The following MTSS1 variants were observed in gnomAD, a reference collection of about 807,000 sequenced individuals.
MTSS1 encodes MTSS I-BAR domain containing 1.
In MTSS1, 18 loss-of-function variants were observed where a neutral mutation model predicts 79.0. The observed-to-expected ratio is 0.23, with a 90% CI of 0.16 to 0.34. The LOEUF (loss-of-function observed/expected upper bound fraction) is 0.34, where lower values mean the gene tolerates loss of function less well. MTSS1 is among the 10% of genes least tolerant of loss of function. The probability of loss-of-function intolerance (pLI) is 1.00; values close to 1 mark genes in which losing one functional copy is unlikely to be tolerated. For missense variants in MTSS1, 815 were observed against 986.2 expected (o/e 0.83, Z 2.33); for synonymous variants, 341 against 368.6 (o/e 0.93, Z 0.86).
At chr8:124,720,476 A>T (rs1832744955) in intron 1 of MTSS1, among the ~76,000 whole-genome samples, 2 of 152,176 alleles carry the variant, frequency 1.3e-5, no homozygotes, top group African/African-American at 4.8e-5. Context: ...CTAATAAAGC[A>T]ACTTTCCCTC....
chr8:124,640,826 G>T (rs2133985319), intron 3 of MTSS1, among the ~76,000 whole-genome samples: 1 of 152,214 alleles, frequency 6.6e-6, no homozygotes, highest in Non-Finnish European at 1.5e-5. Context: ...ACAGGCGTGA[G>T]CCACCGTGCC....
At chr8:124,563,216 G>A (rs2131966424) in intron 9 of MTSS1, 1 of 557,218 alleles carries the variant, frequency 1.8e-6, no homozygotes, top group East Asian at 3.1e-5. Flanking sequence ...AGGTGACCCA[G>A]GGGGAAATAC....
chr8:124,578,238 G>A (rs79210706), intron 6 of MTSS1, among the ~76,000 whole-genome samples: 16,928 of 152,062 alleles, frequency 0.11, 1,063 homozygotes, highest in South Asian at 0.13. Flanking sequence ...TCCACCCTTG[G>A]TGGGACGACA....
Position 124,555,467 on chromosome 8 carries a change from C to T in MTSS1, c.1567+275G>A, listed in dbSNP as rs544430110. Among the ~76,000 whole-genome samples, 24 of 152,208 alleles carry T rather than the reference C, an allele frequency of 1.6e-4. No homozygotes were observed. In the Middle Eastern group the frequency reaches 0.014, roughly 87 times the overall value. On this transcript the variant is annotated intron_variant, in intron 13 of 13. Transcript: ENST00000518547. Reference sequence around the variant, plus strand: ...TTCACCATGTTAGCCAGGATAGTCTCGATCTCCTGACCTCGTGATCCACCT... The same window carrying T: ...TTCACCATGTTAGCCAGGATAGTCTTGATCTCCTGACCTCGTGATCCACCT...
At chr8:124,697,125 G>A (rs1828964520) in intron 3 of MTSS1, among the ~76,000 whole-genome samples, 1 of 151,998 alleles carries the variant, frequency 6.6e-6, no homozygotes, top group Admixed American at 6.5e-5. Flanking sequence ...GACAATCTGG[G>A]AATCTCTTTC....
chr8:124,651,335 C>T lies in MTSS1; in HGVS notation c.208+48191G>A, dbSNP rs572760161. Among the ~76,000 whole-genome samples the T allele has an allele frequency of 7.8e-4, 118 of 152,256 alleles. 1 individual carries two copies. The highest frequency in any genetic ancestry group is 2.3e-3 in the African/African-American group (97 of 41,524). ...ACGTGTGGCAGTTCAAGAACTTGAG[C>T]GTGACATGCCGTGTGAAGAGCATGC... On this transcript the variant is annotated intron_variant, in intron 3 of 13. Coordinates refer to ENST00000518547, the MANE Select transcript of MTSS1 (RefSeq NM_014751.6).
intron 13 of MTSS1, among the ~76,000 whole-genome samples, chr8:124,554,265 C>T (rs1434784834): frequency 1.3e-5 from 2 of 152,136 alleles, no homozygotes; most frequent in Admixed American, 6.6e-5. Context: ...AGCTCACAGC[C>T]CTGATTCTGA....
intron 3 of MTSS1, among the ~76,000 whole-genome samples, chr8:124,660,311 C>A (rs1001558494): frequency 1.3e-5 from 2 of 151,864 alleles, no homozygotes; most frequent in African/African-American, 2.4e-5. Context: ...AGGGGCCCTT[C>A]GAAAGAAGCA....
intron 12 of MTSS1, 22 bp from the exon 13 acceptor site, chr8:124,555,926 T>C: frequency 3.2e-6 from 5 of 1,586,204 alleles, no homozygotes; most frequent in Non-Finnish European, 4.3e-6. Context: ...AGGAGAGAAA[T>C]ACACAGGTTG....
chr8:124,705,290 G>A (rs1010065464), intron 1 of MTSS1, among the ~76,000 whole-genome samples: 1 of 152,028 alleles, frequency 6.6e-6, no homozygotes, highest in East Asian at 1.9e-4. Context: ...GGCCAACGTG[G>A]TGAATCCCCA....
chr8:124,591,104 G>A (rs767228524), intron 4 of MTSS1, 47 bp downstream of exon 4: 1 of 1,520,538 alleles, frequency 6.6e-7, no homozygotes, highest in Admixed American at 1.7e-5. Context: ...TCCTTAACCT[G>A]AAATCTGCAA....
At chr8:124,584,754 C>G (rs892142050) in intron 6 of MTSS1, among the ~76,000 whole-genome samples, 4 of 152,160 alleles carry the variant, frequency 2.6e-5, no homozygotes, top group Non-Finnish European at 5.9e-5. Flanking sequence ...GTAATAATTA[C>G]TAGAGAACAT....
chr8:124,715,064 G>C (rs748409079), intron 1 of MTSS1, among the ~76,000 whole-genome samples: 2 of 152,182 alleles, frequency 1.3e-5, no homozygotes, highest in Non-Finnish European at 2.9e-5. Context: ...CCTATGAAAT[G>C]TTAGACCTTC....
At chr8:124,573,042 C>T (rs923882468) in intron 6 of MTSS1, among the ~76,000 whole-genome samples, 1 of 152,218 alleles carries the variant, frequency 6.6e-6, no homozygotes, top group Admixed American at 6.5e-5. Context: ...CCACCACACC[C>T]GGCTGTGGAT....
At chr8:124,714,799 T>C (rs1046120742) in intron 1 of MTSS1, among the ~76,000 whole-genome samples, 1 of 152,166 alleles carries the variant, frequency 6.6e-6, no homozygotes, top group Non-Finnish European at 1.5e-5. Flanking sequence ...AATTGTATAA[T>C]GGGTTCACCT....
intron 3 of MTSS1, among the ~76,000 whole-genome samples, chr8:124,611,110 C>A (rs938073942): frequency 3.5e-4 from 51 of 146,326 alleles, no homozygotes; most frequent in Non-Finnish European, 7.0e-4. Flanking sequence ...AGACAGACCC[C>A]CCCCCCCCAG....
rs573577265 is a variant in MTSS1 at position 124,723,263 on chromosome 8, C to T, written c.72+4621G>A. Among the ~76,000 whole-genome samples, 99 of 152,318 alleles carry T rather than the reference C, an allele frequency of 6.5e-4. 1 individual carries two copies. The highest frequency in any genetic ancestry group is 2.1e-3 in the African/African-American group (87 of 41,564). On this transcript the variant is annotated intron_variant, in intron 1 of 13. Coordinates refer to ENST00000518547, the MANE Select transcript of MTSS1 (RefSeq NM_014751.6). ...GAAATCATTATGCCACGTTTGGTGC[C>T]TGAAACACCACTGATGCTCAATAAA...
Position 124,557,775 on chromosome 8 carries a change from AGCAGGCGGGAG to A in MTSS1, c.1125_1135del (p.Ser376ProfsTer29), listed in dbSNP as rs1282234196. On this transcript the variant is annotated frameshift_variant, in exon 11 of 14. Transcript: ENST00000518547. LOFTEE classifies it high-confidence loss of function. ...AAGGTGGACAGAGGTGACCCGAGGGAGCAGGCGGGAGGCAGGCAGGCAATGAGGGAAAAGGC... is the reference window on the plus strand; with the variant it reads ...AAGGTGGACAGAGGTGACCCGAGGGAGCAGGCAGGCAATGAGGGAAAAGGC... 6.2e-7 allele frequency: 1 copy of A among 1,606,140 alleles called. No homozygotes were observed. The highest frequency in any genetic ancestry group is 1.3e-5 in the African/African-American group (1 of 74,686).
Position 124,727,067 on chromosome 8 carries a change from T to C in MTSS1, c.72+817A>G, listed in dbSNP as rs980121385. The stretch of plus-strand genomic sequence containing the variant: ...CACCCTTTGCAGGAAAAAACCAGGG[T>C]GTTGTTCCCCGCCCCCACGCGCGCG... On this transcript the variant is annotated intron_variant, in intron 1 of 13. Transcript: ENST00000518547. The surrounding 1 kb of genome is among the most constrained non-coding windows in gnomAD (Gnocchi z 4.7). 6.6e-6 allele frequency among the ~76,000 whole-genome samples: 1 copy of C among 151,774 alleles called. No homozygotes were observed. Among genetic ancestry groups the C allele is most frequent in the African/African-American group, 2.4e-5 (1 of 41,318 alleles).
Sources: gnomAD v4.1 joint callset for allele counts (sites outside exome capture counted in the v4.1 genomes callset) on GRCh38, gnomAD v4.1.1 for gene constraint, Gnocchi (gnomAD v3.1) non-coding constraint, MANE v1.5 for transcripts, NCBI Gene and HGNC (gene_info 2026-07-23, HGNC 2026-07-21) for gene names.